Variants in DENND1A observed in about 807,000 individuals in gnomAD.
DENND1A encodes DENN domain-containing protein 1A.
A neutral mutation model predicts 113.7 loss-of-function variants in DENND1A; 51 were observed. That is an observed-to-expected ratio of 0.45 (90% CI 0.36 to 0.57). The LOEUF is 0.57. DENND1A is among the 20% of genes least tolerant of loss of function. The pLI is 0.00. For missense variants in DENND1A, 1,258 were observed against 1,395.9 expected (o/e 0.90, Z 1.57); for synonymous variants, 565 against 570.8 (o/e 0.99, Z 0.14).
At chr9:123,628,534 G>T (rs1000204750) in intron 10 of DENND1A, among the ~76,000 whole-genome samples, 1 of 152,094 alleles carries the variant, frequency 6.6e-6, no homozygotes, top group Non-Finnish European at 1.5e-5. Context: ...GGGCCCAGGG[G>T]TTTGAAAACA....
chr9:123,789,188 G>C (rs751399340), intron 3 of DENND1A, among the ~76,000 whole-genome samples: 2 of 151,924 alleles, frequency 1.3e-5, no homozygotes, highest in Non-Finnish European at 2.9e-5. Flanking sequence ...GAGTGCTACA[G>C]TGATTTAATG....
rs1182766977 is a variant in DENND1A, at chr9:123,381,051, G to A, written c.*381C>T. 4.3e-6 allele frequency: 1 copy of A among 233,738 alleles called. No individual in the cohort carries two copies. Among genetic ancestry groups the A allele is most frequent in the East Asian group, 1.3e-4 (1 of 7,706 alleles). 14.5% of individuals were successfully genotyped at this position (233,738 alleles called of 1,614,324 possible). On this transcript the variant is annotated 3_prime_UTR_variant, in exon 24 of 24. Coordinates refer to ENST00000394215, the MANE Select transcript of DENND1A (RefSeq NM_001352964.2). The surrounding 1 kb of genome is among the most constrained non-coding windows in gnomAD (Gnocchi z 4.7). ...GGGCCTGGCTGTGGAGGAGACAGGA[G>A]AGCTGGGCTCGGAGGGGAGGCCTTC... is the stretch of plus-strand genomic sequence containing the variant.
chr9:123,464,408 AAAGT>A (rs2048769012), intron 13 of DENND1A, among the ~76,000 whole-genome samples: 1 of 152,220 alleles, frequency 6.6e-6, no homozygotes, highest in Non-Finnish European at 1.5e-5. Context: ...TCAGCCCTAA[AAAGT>A]AAGAGATCTG....
At chr9:123,627,366 A>G (rs1292702386) in intron 10 of DENND1A, among the ~76,000 whole-genome samples, 2 of 152,210 alleles carry the variant, frequency 1.3e-5, no homozygotes, top group Admixed American at 1.3e-4. Context: ...TTCTGCTGGA[A>G]ATTGACTCTC....
At chr9:123,634,068 C>T (rs2061597836) in intron 9 of DENND1A, among the ~76,000 whole-genome samples, 1 of 152,172 alleles carries the variant, frequency 6.6e-6, no homozygotes, top group Non-Finnish European at 1.5e-5. Context: ...TTATGTGACT[C>T]TTTTTAGGTT....
At chr9:123,642,191 C>T (rs1303886958) in intron 9 of DENND1A, among the ~76,000 whole-genome samples, 1 of 152,222 alleles carries the variant, frequency 6.6e-6, no homozygotes, top group African/African-American at 2.4e-5. Context: ...CCAATTCACA[C>T]ATAATTAAAT....
At chr9:123,910,866 C>G in intron 1 of DENND1A, among the ~76,000 whole-genome samples, 1 of 152,176 alleles carries the variant, frequency 6.6e-6, no homozygotes, top group Non-Finnish European at 1.5e-5. Flanking sequence ...TCACTTGAAC[C>G]TGGGAGGCAG....
At chr9:123,544,102 A>G (rs9657674) in intron 13 of DENND1A, among the ~76,000 whole-genome samples, 8,351 of 152,310 alleles carry the variant, frequency 0.055, 324 homozygotes, top group Admixed American at 0.086. Context: ...ATGATTGTCA[A>G]TAATTTGCTT....
intron 1 of DENND1A, among the ~76,000 whole-genome samples, chr9:123,910,308 C>T (rs889020577): frequency 6.6e-6 from 1 of 152,160 alleles, no homozygotes; most frequent in East Asian, 1.9e-4. Flanking sequence ...GAACAGAGTC[C>T]AGAAATACAA....
intron 1 of DENND1A, among the ~76,000 whole-genome samples, chr9:123,923,680 C>T (rs1856647635): frequency 6.6e-6 from 1 of 152,142 alleles, no homozygotes; most frequent in South Asian, 2.1e-4. Flanking sequence ...ATATAACTTC[C>T]ACTTGTCTTC....
At chr9:123,501,040 T>C (rs1245564117) in intron 13 of DENND1A, among the ~76,000 whole-genome samples, 1 of 152,216 alleles carries the variant, frequency 6.6e-6, no homozygotes, top group Admixed American at 6.5e-5. Context: ...ACCATCTATC[T>C]CCAGAACTCT....
chr9:123,573,271 T>G (rs1264948204), intron 12 of DENND1A, among the ~76,000 whole-genome samples: 6 of 152,156 alleles, frequency 3.9e-5, no homozygotes, highest in Admixed American at 3.3e-4. Flanking sequence ...CTAGATCTTT[T>G]GCATATTCAT....
chr9:123,682,312 G>A (rs1470610734), intron 5 of DENND1A, among the ~76,000 whole-genome samples: 2 of 152,184 alleles, frequency 1.3e-5, no homozygotes, highest in Admixed American at 1.3e-4. Flanking sequence ...GCCTCCCGGG[G>A]GAAGACTTGC....
At chr9:123,607,646 T>C (rs1438515972) in intron 11 of DENND1A, among the ~76,000 whole-genome samples, 3 of 147,998 alleles carry the variant, frequency 2.0e-5, no homozygotes, top group Non-Finnish European at 4.5e-5. Flanking sequence ...GAAATCCAAC[T>C]GGCACTTTAA....
chr9:123,560,281 CT>C (rs2057669737), intron 12 of DENND1A, among the ~76,000 whole-genome samples: 1 of 152,206 alleles, frequency 6.6e-6, no homozygotes, highest in Admixed American at 6.5e-5. Context: ...AAGCACAGTG[CT>C]CAGTGCCTAG....
At chr9:123,585,671 C>G (rs1411046162) in intron 11 of DENND1A, among the ~76,000 whole-genome samples, 5 of 152,200 alleles carry the variant, frequency 3.3e-5, no homozygotes, top group South Asian at 2.1e-4. Flanking sequence ...TGTCACACTT[C>G]AGGCTCACAC....
intron 21 of DENND1A, among the ~76,000 whole-genome samples, chr9:123,390,561 G>A (rs1588282301): frequency 6.6e-6 from 1 of 152,230 alleles, no homozygotes; most frequent in African/African-American, 2.4e-5. Context: ...TTTCTAGAGG[G>A]TGAGGGCTTC....
intron 10 of DENND1A, among the ~76,000 whole-genome samples, chr9:123,611,934 T>C (rs1589348237): frequency 6.6e-6 from 1 of 152,222 alleles, no homozygotes. Context: ...CAAGTATCTT[T>C]AGATAGGCAT....
At chr9:123,554,768 G>A (rs960684362) in intron 13 of DENND1A, among the ~76,000 whole-genome samples, 6 of 152,172 alleles carry the variant, frequency 3.9e-5, no homozygotes, top group South Asian at 2.1e-4. Context: ...GGCATCCTTC[G>A]ATTATAATTG....
Sources: gnomAD v4.1 joint callset for allele counts (sites outside exome capture counted in the v4.1 genomes callset) on GRCh38, gnomAD v4.1.1 for gene constraint, Gnocchi (gnomAD v3.1) non-coding constraint, MANE v1.5 for transcripts, NCBI Gene and HGNC (gene_info 2026-07-23, HGNC 2026-07-21) for gene names.